KCNN4: variants seen among roughly 807,000 people sequenced by gnomAD.
The protein encoded by KCNN4 is potassium calcium-activated channel subfamily N member 4, also known as intermediate conductance calcium-activated potassium channel protein 4.
Under a neutral mutation model 45.2 loss-of-function variants are expected in KCNN4, and 31 were observed. The ratio of observed to expected loss-of-function variants is 0.69; its 90% CI spans 0.52 to 0.92. The LOEUF (loss-of-function observed/expected upper bound fraction) is 0.92, where lower values mean the gene tolerates loss of function less well. Among genes scored for constraint, KCNN4 ranks in the 40% least tolerant of loss-of-function variants. The pLI, the probability that KCNN4 is intolerant of heterozygous loss-of-function variation, is 0.00. For missense variants in KCNN4, 463 were observed against 574.0 expected (o/e 0.81, Z 1.98); for synonymous variants, 231 against 254.6 (o/e 0.91, Z 0.88).
At position 43,774,250 on chromosome 19, in the gene KCNN4, G is replaced by C. The variant is rs1969727696; in HGVS notation, c.625C>G (p.Leu209Val). 6.2e-7 allele frequency: 1 copy of C among 1,613,024 alleles called. No individual in the cohort carries two copies. Among genetic ancestry groups the C allele is most frequent in the Non-Finnish European group, 8.5e-7 (1 of 1,179,638 alleles). Residue 209 changes from leucine (L) to valine (V), a missense_variant, in exon 3 of 9, where the codon CTC becomes GTC. Physicochemically the swap from Leu to Val is conservative, Grantham distance 32. This residue lies in a region of KCNN4 where 109 missense variants were observed against 183.7 expected (regional missense o/e 0.59). Coordinates refer to ENST00000648319, the MANE Select transcript of KCNN4 (RefSeq NM_002250.3). The surrounding 1 kb of genome is among the most constrained non-coding windows in gnomAD (Gnocchi z 5.6). Reference sequence around the variant, plus strand: ...AGCCAGAGGCCAAGCGTGAGGCCGAGCAGCAGGCGGCCAGGGTGCGTGTTC... The same window carrying C: ...AGCCAGAGGCCAAGCGTGAGGCCGACCAGCAGGCGGCCAGGGTGCGTGTTC... ...YMNTHPGRLLLGLTLGLWLTT... is the reference protein window; with the variant it reads ...YMNTHPGRLLVGLTLGLWLTT...
At chr19:43,778,398 C>T (rs1362883506) in intron 1 of KCNN4, among the ~76,000 whole-genome samples, 1 of 152,174 alleles carries the variant, frequency 6.6e-6, no homozygotes, top group Non-Finnish European at 1.5e-5. Flanking sequence ...CGCCGCCATG[C>T]CTGGCTAATT....
intron 4 of KCNN4, among the ~76,000 whole-genome samples, chr19:43,770,529 C>T (rs1969614987): frequency 1.3e-5 from 2 of 152,334 alleles, no homozygotes; most frequent in South Asian, 4.1e-4. Context: ...TCCTAGGAAG[C>T]ATCCCCAACC....
rs200915497 is a variant in KCNN4 at position 43,780,915 on chromosome 19, G to A, written c.-54C>T. 47 of 1,582,626 alleles carry A rather than the reference G, an allele frequency of 3.0e-5. No individual in the cohort carries two copies. Among genetic ancestry groups the A allele is most frequent in the East Asian group, 4.5e-5 (2 of 44,674 alleles). On this transcript the variant is annotated 5_prime_UTR_variant, in exon 1 of 9. Transcript: ENST00000648319. ...CTTCCTGCCCAGGGTCCCCCACCTC[G>A]CAGCACGCACAGGGCAGCCACTGTG...
In KCNN4 at chr19:43,780,793, C is replaced by CTTCTCCTGCTCCAGCAAGCGCT; in HGVS notation, c.47_68dup (p.Ser24AlafsTer46). ...GCACCAGTGCCCAGCCGGCCAGAGA[C>CTTCTCCTGCTCCAGCAAGCGCT]TTCTCCTGCTCCAGCAAGCGCTTTC... On this transcript the variant is annotated frameshift_variant, in exon 1 of 9. Transcript: ENST00000648319. LOFTEE classifies it high-confidence loss of function. 1.2e-6 allele frequency: 2 copies of CTTCTCCTGCTCCAGCAAGCGCT among 1,614,046 alleles called. No homozygotes were observed. Among genetic ancestry groups the CTTCTCCTGCTCCAGCAAGCGCT allele is most frequent in the Non-Finnish European group, 1.7e-6 (2 of 1,179,988 alleles).
In KCNN4 at chr19:43,780,751, A is replaced by C; in HGVS notation, c.111T>G (p.Ile37Met). The change falls in exon 1 of 9, where the codon ATT (isoleucine) becomes ATG (methionine). Residue 37 changes from isoleucine to methionine, a missense_variant. By Grantham distance (10) the Ile-to-Met change is conservative. Transcript: ENST00000648319. ...GWALVLAGTG[I>M]GLMVLHAEML... ...TCTCTGCATGCAGCACCATGAGTCC[A>C]ATGCCAGTTCCTGCCAGCACCAGTG... 6.2e-7 allele frequency: 1 copy of C among 1,613,502 alleles called. No individual in the cohort carries two copies. The highest frequency in any genetic ancestry group is 8.5e-7 in the Non-Finnish European group (1 of 1,179,876).
rs755865818 is a variant in KCNN4, at chr19:43,767,719, G to A, written c.1120-12C>T. On this transcript the variant is annotated splice_polypyrimidine_tract_variant and intron_variant, in intron 7 of 8. Transcript: ENST00000648319. ...AGGATCATGTGCATCTGGGTGGGAG[G>A]AGAGGATCAGAGGTGTCGGGGCTGG... 32 of 1,613,920 alleles carry A rather than the reference G, an allele frequency of 2.0e-5. 1 individual carries two copies. The highest frequency in any genetic ancestry group is 3.3e-4 in the Middle Eastern group (2 of 6,082).
intron 1 of KCNN4, among the ~76,000 whole-genome samples, chr19:43,777,130 T>C (rs541849878): frequency 6.6e-6 from 1 of 152,020 alleles, no homozygotes; most frequent in Admixed American, 6.6e-5. Flanking sequence ...CACCATCATC[T>C]GGTCCCCAGG....
rs199820891 is a variant in KCNN4, at chr19:43,776,605, G to A, written c.191C>T (p.Thr64Met). The A allele has an allele frequency of 3.5e-5, 56 of 1,613,854 alleles. No individual in the cohort carries two copies. The highest frequency in any genetic ancestry group is 3.4e-4 in the South Asian group (31 of 91,074). ...GAGTAAGAAGGTGGAAATGCTGATC[G>A]TGCATTTAACCAGGAACAGGTAGAG... ...WALYLFLVKC[T>M]ISISTFLLLC... The change falls in exon 2 of 9, where the codon ACG becomes ATG. Residue 64 changes from threonine (T) to methionine (M), a missense_variant. Physicochemically the swap from Thr to Met is moderately conservative, Grantham distance 81 (BLOSUM62 -1). Around this residue, in one of 3 missense-constraint regions of KCNN4, gnomAD observed 225 missense variants for 240.9 expected, o/e 0.93. Coordinates refer to ENST00000648319, the MANE Select transcript of KCNN4 (RefSeq NM_002250.3).
At chr19:43,767,872 A>G (rs1048638618) in intron 7 of KCNN4, among the ~76,000 whole-genome samples, 165 bp from the exon 8 acceptor site, 1 of 152,166 alleles carries the variant, frequency 6.6e-6, no homozygotes, top group Admixed American at 6.5e-5. Context: ...CTTCCCAGCT[A>G]CCTGCCCAGG....
rs773205149 is a variant in KCNN4, at chr19:43,774,604, T to A, written c.271A>T (p.Asn91Tyr). ...AKEVQLFMTD[N>Y]GLRDWRVALT... ...GCCACGCGCCAGTCCCGCAGCCCGT[T>A]GTCGGTCATGAACAGCTGCCGGTAG... Residue 91 changes from asparagine to tyrosine, a missense_variant, in exon 3 of 9, where the codon AAC becomes TAC. Physicochemically the swap from Asn to Tyr is moderately radical, Grantham distance 143 (BLOSUM62 -2). Transcript: ENST00000648319. This position sits in a 1 kb window ranked among gnomAD's most constrained non-coding sequence, Gnocchi z 5.6. 4 of 1,510,582 alleles carry A rather than the reference T, an allele frequency of 2.6e-6. No homozygotes were observed. The highest frequency in any genetic ancestry group is 4.4e-5 in the Admixed American group (2 of 45,962). The allele number at this position is 1,510,582 out of a possible 1,614,324, so 93.6% of individuals were successfully genotyped here.
At position 43,774,575 on chromosome 19, in the gene KCNN4, C is replaced by G. The variant is rs1969742764; in HGVS notation, c.300G>C (p.Leu100=). Residue 100 remains leucine, a synonymous_variant, in exon 3 of 9, where the codon CTG becomes CTC. Transcript: ENST00000648319. This position sits in a 1 kb window ranked among gnomAD's most constrained non-coding sequence, Gnocchi z 5.6. ...DNGLRDWRVA[L]TGRQAAQIVL... The stretch of plus-strand genomic sequence containing the variant: ...CGATCTGCGCCGCCTGCCGCCCGGT[C>G]AGCGCCACGCGCCAGTCCCGCAGCC... 6.5e-7 allele frequency: 1 copy of G among 1,537,746 alleles called. No homozygotes were observed. The highest frequency in any genetic ancestry group is 8.7e-7 in the Non-Finnish European group (1 of 1,152,596).
rs759006669 is a variant in KCNN4, at chr19:43,776,601, G to A, written c.195C>T (p.Ile65=). ...AGAGGAGTAAGAAGGTGGAAATGCT[G>A]ATCGTGCATTTAACCAGGAACAGGT... ...ALYLFLVKCT[I]SISTFLLLCL... Residue 65 remains isoleucine (I), a synonymous_variant, in exon 2 of 9, where the codon ATC becomes ATT. Coordinates refer to ENST00000648319, the MANE Select transcript of KCNN4 (RefSeq NM_002250.3). The A allele has an allele frequency of 1.9e-6, 3 of 1,613,970 alleles. No homozygotes were observed. Among genetic ancestry groups the A allele is most frequent in the Non-Finnish European group, 2.5e-6 (3 of 1,179,870 alleles).
chr19:43,773,080 C>G (rs1969688802), intron 3 of KCNN4, among the ~76,000 whole-genome samples: 1 of 152,252 alleles, frequency 6.6e-6, no homozygotes. Context: ...AGGAGGATCA[C>G]TTGAAATCAA....
chr19:43,777,268 G>T (rs928470865), intron 1 of KCNN4, among the ~76,000 whole-genome samples: 2 of 150,678 alleles, frequency 1.3e-5, no homozygotes, highest in African/African-American at 4.9e-5. Flanking sequence ...TCTTATTCCT[G>T]TCCCATTTCA....
In KCNN4 at chr19:43,767,574, T is replaced by C. The variant is rs200534616; in HGVS notation, c.1253A>G (p.Gln418Arg). Residue 418 changes from glutamine to arginine, a missense_variant, in exon 8 of 9, where the codon CAG (glutamine) becomes CGG (arginine). Coordinates refer to ENST00000648319, the MANE Select transcript of KCNN4 (RefSeq NM_002250.3). Reference sequence around the variant, plus strand: ...GGACTGCTGGCTGGGTTCTGGAAGCTGCCTCGGCCCCAGGGCAGTGCTAAG... The same window carrying C: ...GGACTGCTGGCTGGGTTCTGGAAGCCGCCTCGGCCCCAGGGCAGTGCTAAG... ...ELLSTALGPR[Q>R]LPEPSQQSK The C allele has an allele frequency of 1.9e-5, 30 of 1,613,906 alleles. No homozygotes were observed. The highest frequency in any genetic ancestry group is 2.5e-5 in the Non-Finnish European group (29 of 1,180,020).
At chr19:43,777,099 GCAAACAAA>G (rs1363518983) in intron 1 of KCNN4, among the ~76,000 whole-genome samples, 4 of 151,868 alleles carry the variant, frequency 2.6e-5, no homozygotes, top group Non-Finnish European at 5.9e-5. Flanking sequence ...AAGCAAGCAA[GCAAACAAA>G]CAAACAAAAA....
In KCNN4 at chr19:43,780,783, C is replaced by T. The variant is rs752884458; in HGVS notation, c.79G>A (p.Gly27Ser). 6.2e-6 allele frequency: 10 copies of T among 1,614,030 alleles called. No individual in the cohort carries two copies. The highest frequency in any genetic ancestry group is 4.5e-5 in the East Asian group (2 of 44,850). ...GTTCCTGCCAGCACCAGTGCCCAGCCGGCCAGAGACTTCTCCTGCTCCAGC... is the reference window on the plus strand; with the variant it reads ...GTTCCTGCCAGCACCAGTGCCCAGCTGGCCAGAGACTTCTCCTGCTCCAGC... ...RLLEQEKSLAGWALVLAGTGI... is the reference protein window; with the variant it reads ...RLLEQEKSLASWALVLAGTGI... Residue 27 changes from glycine (G) to serine (S), a missense_variant, in exon 1 of 9, where the codon GGC becomes AGC. By Grantham distance (56) the Gly-to-Ser change is moderately conservative. Transcript: ENST00000648319.
rs754585999 is a variant in KCNN4 at position 43,772,284 on chromosome 19, G to A, written c.684-149C>T. Reference sequence around the variant, plus strand: ...CACCCATAGTCCTAAGAATCACCTGGACAAAAAGCCATTAAGTTCTGAGCT... The same window carrying A: ...CACCCATAGTCCTAAGAATCACCTGAACAAAAAGCCATTAAGTTCTGAGCT... On this transcript the variant is annotated intron_variant, in intron 3 of 8. Coordinates refer to ENST00000648319, the MANE Select transcript of KCNN4 (RefSeq NM_002250.3). The surrounding 1 kb of genome is among the most constrained non-coding windows in gnomAD (Gnocchi z 4.4). 1.9e-4 allele frequency: 161 copies of A among 856,478 alleles called. No homozygotes were observed. Among genetic ancestry groups the A allele is most frequent in the Non-Finnish European group, 2.6e-4 (150 of 584,468 alleles). 53.1% of individuals were successfully genotyped at this position (856,478 alleles called of 1,614,324 possible).
intron 7 of KCNN4, 52 bp from the exon 8 acceptor site, chr19:43,767,759 T>C: frequency 1.2e-6 from 2 of 1,605,660 alleles, no homozygotes; most frequent in African/African-American, 1.3e-5. Flanking sequence ...GACCCCCACC[T>C]ACTCCATAGC....
Sources: gnomAD v4.1 joint callset for allele counts (sites outside exome capture counted in the v4.1 genomes callset) on GRCh38, gnomAD v4.1.1 for gene constraint, gnomAD v4.1.1 regional missense constraint, Gnocchi (gnomAD v3.1) non-coding constraint, MANE v1.5 for transcripts, NCBI Gene and HGNC (gene_info 2026-07-23, HGNC 2026-07-21) for gene names.